The following CHMP7 variants were observed in gnomAD, a reference collection of about 807,000 sequenced individuals.
CHMP7 encodes charged multivesicular body protein 7, also known as CHMP family, member 7.
CHMP7 carries 15 observed loss-of-function variants against 53.7 expected under a neutral mutation model. That is an observed-to-expected ratio of 0.28 (90% CI 0.19 to 0.43). The LOEUF (loss-of-function observed/expected upper bound fraction) is 0.43. Ranked by LOEUF, CHMP7 falls within the 20% of genes least tolerant of loss-of-function variation. The probability of loss-of-function intolerance (pLI) is 1.00; values close to 1 mark genes in which losing one functional copy is unlikely to be tolerated. For missense variants in CHMP7, 527 were observed against 569.4 expected (o/e 0.93, Z 0.76); for synonymous variants, 261 against 228.0 (o/e 1.14, Z -1.30).
At chr8:23,245,625 T>A (rs1486329412) in intron 1 of CHMP7, among the ~76,000 whole-genome samples, 1 of 152,264 alleles carries the variant, frequency 6.6e-6, no homozygotes, top group Non-Finnish European at 1.5e-5. Flanking sequence ...GTTAGGGTAA[T>A]CCTTGCCTCA....
intron 3 of CHMP7, chr8:23,254,722 T>A: frequency 5.5e-6 from 1 of 181,816 alleles, no homozygotes; most frequent in South Asian, 1.2e-4. Flanking sequence ...CCCTTAAGGC[T>A]TTTTACAGAG....
Position 23,259,143 on chromosome 8 carries a change from GTTA to G in CHMP7, c.1120+20_1120+22del, listed in dbSNP as rs746009505. The G allele has an allele frequency of 2.4e-5, 28 of 1,188,768 alleles. No individual in the cohort carries two copies. In the African/African-American group the frequency reaches 3.6e-4, roughly 15 times the overall value. The allele number at this position is 1,188,768 out of a possible 1,614,324, so 73.6% of individuals were successfully genotyped here. ...ATGGCTTAGGTGAGTGGACAAGGTGGTTATTTTTATTTTTATTCATTTTTTTTT... is the reference window on the plus strand; with the variant it reads ...ATGGCTTAGGTGAGTGGACAAGGTGGTTTTTATTTTTATTCATTTTTTTTT... On this transcript the variant is annotated intron_variant, in intron 9 of 10. Transcript: ENST00000397677.
In CHMP7 at chr8:23,258,111, C is replaced by G. The variant is rs755570376; in HGVS notation, c.840+30C>G. On this transcript the variant is annotated intron_variant, in intron 6 of 10. Coordinates refer to ENST00000397677, the MANE Select transcript of CHMP7 (RefSeq NM_152272.5). ...GTTCTTGTCTCCTCCAGACCCATAG[C>G]AGTGCCCCAGGCAGGCCTGGAGCAA... The G allele has an allele frequency of 1.1e-4, 181 of 1,591,312 alleles. 1 individual carries two copies. Among genetic ancestry groups the G allele is most frequent in the Non-Finnish European group, 1.5e-4 (170 of 1,160,762 alleles).
chr8:23,258,164 TG>T, intron 6 of CHMP7, 83 bp downstream of exon 6: 1 of 1,460,092 alleles, frequency 6.8e-7, no homozygotes, highest in Non-Finnish European at 9.5e-7. Flanking sequence ...AGCAGCTTGC[TG>T]GGGTTTTGAG....
intron 5 of CHMP7, 141 bp downstream of exon 5, chr8:23,256,734 T>G (rs1188531772): frequency 4.1e-6 from 2 of 488,234 alleles, no homozygotes; most frequent in Non-Finnish European, 7.0e-6. Flanking sequence ...CACTGCTCAA[T>G]GCAGAAATCA....
chr8:23,254,060 C>T (rs1474476986), intron 3 of CHMP7, among the ~76,000 whole-genome samples: 1 of 152,070 alleles, frequency 6.6e-6, no homozygotes, highest in Admixed American at 6.5e-5. Flanking sequence ...TCTCTCCTTT[C>T]CCCTCTACAT....
At position 23,246,928 on chromosome 8, in the gene CHMP7, A is replaced by T. The variant is rs775727289; in HGVS notation, c.233A>T (p.Gln78Leu). Residue 78 changes from glutamine to leucine, a missense_variant, in exon 2 of 11, where the codon CAG (glutamine) becomes CTG (leucine). By Grantham distance (113) the Gln-to-Leu change is moderately radical. Transcript: ENST00000397677. Reference sequence around the variant, plus strand: ...GTGCGCCTGCGTCTGCGGGACTTGCAGGAGGCCTTTCAGCGCAAGGGGAGC... The same window carrying T: ...GTGCGCCTGCGTCTGCGGGACTTGCTGGAGGCCTTTCAGCGCAAGGGGAGC... ...GVVRLRLRDLQEAFQRKGSVP... is the reference protein window; with the variant it reads ...GVVRLRLRDLLEAFQRKGSVP... 7 of 1,564,518 alleles carry T rather than the reference A, an allele frequency of 4.5e-6. No homozygotes were observed. In the Admixed American group the frequency reaches 9.5e-5, roughly 21 times the overall value.
At chr8:23,257,845 C>A (rs2128859960) in intron 5 of CHMP7, among the ~76,000 whole-genome samples, 188 bp from the exon 6 acceptor site, 1 of 152,330 alleles carries the variant, frequency 6.6e-6, no homozygotes, top group African/African-American at 2.4e-5. Context: ...TTGAGCCTGC[C>A]ACAACAGACT....
chr8:23,246,926 G>T lies in CHMP7; in HGVS notation c.231G>T (p.Leu77Phe), dbSNP rs1341160434. The change falls in exon 2 of 11, where the codon TTG (leucine) becomes TTT (phenylalanine). Residue 77 changes from leucine (L) to phenylalanine (F), a missense_variant. Leu to Phe is a conservative substitution (Grantham distance 22). Coordinates refer to ENST00000397677, the MANE Select transcript of CHMP7 (RefSeq NM_152272.5). ...QGVVRLRLRD[L>F]QEAFQRKGSV... is the part of the protein sequence containing the mutation. ...TGGTGCGCCTGCGTCTGCGGGACTT[G>T]CAGGAGGCCTTTCAGCGCAAGGGGA... is the stretch of plus-strand genomic sequence containing the variant. 1.3e-6 allele frequency: 2 copies of T among 1,565,728 alleles called. No individual in the cohort carries two copies. The highest frequency in any genetic ancestry group is 1.2e-5 in the South Asian group (1 of 85,552).
chr8:23,248,307 TCTC>T (rs1801791629), intron 2 of CHMP7: 1 of 401,476 alleles, frequency 2.5e-6, no homozygotes, highest in Non-Finnish European at 5.1e-6. Flanking sequence ...TAAAGTCTCT[TCTC>T]CTGACTGCTG....
chr8:23,260,103 C>T (rs1285001354), intron 9 of CHMP7, 41 bp from the exon 10 acceptor site: 5 of 1,541,160 alleles, frequency 3.2e-6, no homozygotes, highest in African/African-American at 2.7e-5. Flanking sequence ...ATGCATTTCT[C>T]CCTTGAGTTT....
intron 3 of CHMP7, among the ~76,000 whole-genome samples, chr8:23,250,981 A>G (rs1331974938): frequency 6.6e-6 from 1 of 152,050 alleles, no homozygotes; most frequent in Non-Finnish European, 1.5e-5. Context: ...CCTTCCCCGC[A>G]CCCATGCAGT....
intron 4 of CHMP7, 148 bp downstream of exon 4, chr8:23,255,580 A>C: frequency 1.4e-6 from 1 of 693,382 alleles, no homozygotes; most frequent in Non-Finnish European, 2.5e-6. Context: ...AAAATTCCAA[A>C]CATTAACAGT....
chr8:23,245,236 T>C (rs1437446973), intron 1 of CHMP7, among the ~76,000 whole-genome samples: 1 of 152,268 alleles, frequency 6.6e-6, no homozygotes, highest in Non-Finnish European at 1.5e-5. Context: ...ATCTAGGTTT[T>C]CACCATTAAT....
At chr8:23,255,472 A>G (rs1802088533) in intron 4 of CHMP7, 40 bp downstream of exon 4, 2 of 1,592,522 alleles carry the variant, frequency 1.3e-6, no homozygotes, top group East Asian at 2.2e-5. Context: ...CTCAGCAGTG[A>G]TTGATTAAGT....
intron 2 of CHMP7, among the ~76,000 whole-genome samples, chr8:23,247,816 C>T (rs2128856793): frequency 1.3e-5 from 2 of 152,140 alleles, no homozygotes; most frequent in South Asian, 4.2e-4. Context: ...TTGGATAAGT[C>T]ATTTGCACTT....
intron 1 of CHMP7, among the ~76,000 whole-genome samples, chr8:23,245,933 T>C (rs1471691274): frequency 6.6e-6 from 1 of 152,232 alleles, no homozygotes; most frequent in Non-Finnish European, 1.5e-5. Context: ...TTATTATCAT[T>C]TTCATGCCCA....
intron 9 of CHMP7, 61 bp downstream of exon 9, chr8:23,259,187 G>C: frequency 2.4e-6 from 1 of 410,092 alleles, no homozygotes; most frequent in Non-Finnish European, 3.5e-6. Context: ...TTTTTTTTTT[G>C]AGACGGAGTC....
In CHMP7 at chr8:23,258,762, G is replaced by A. The variant is rs1434910983; in HGVS notation, c.991G>A (p.Ala331Thr). 1.9e-6 allele frequency: 3 copies of A among 1,613,506 alleles called. No individual in the cohort carries two copies. The highest frequency in any genetic ancestry group is 2.5e-6 in the Non-Finnish European group (3 of 1,179,572). ...VFNAYQAGVG[A>T]LKLSMKDVTV... ...TAACGCCTACCAGGCTGGGGTAGGA[G>A]CACTCAAACTCTCCATGAAGGATGT... The change falls in exon 8 of 11, where the codon GCA becomes ACA. Residue 331 changes from alanine (A) to threonine (T), a missense_variant. Coordinates refer to ENST00000397677, the MANE Select transcript of CHMP7 (RefSeq NM_152272.5).
Sources: allele counts gnomAD v4.1 joint callset (sites outside exome capture counted in the v4.1 genomes callset), GRCh38; gene constraint gnomAD v4.1.1; transcripts MANE v1.5; gene names NCBI Gene and HGNC (gene_info 2026-07-23, HGNC 2026-07-21).